Variants in EXOC3 observed in about 807,000 individuals in gnomAD.
EXOC3 encodes exocyst complex component 3.
EXOC3 carries 21 observed loss-of-function variants against 73.7 expected under a neutral mutation model. The observed-to-expected ratio is 0.29, with a 90% CI of 0.20 to 0.41. The LOEUF (loss-of-function observed/expected upper bound fraction) is 0.41. Among genes scored for constraint, EXOC3 ranks in the 10% least tolerant of loss-of-function variants. EXOC3 has a pLI of 1.00. For synonymous variants in EXOC3, 410 were observed against 389.1 expected, an observed-to-expected ratio of 1.05 and a Z score of -0.63; for missense variants, 842 against 985.1, an observed-to-expected ratio of 0.85 and a Z score of 1.95.
chr5:462,844 G>A (rs973340877), intron 9 of EXOC3, among the ~76,000 whole-genome samples: 4 of 152,194 alleles, frequency 2.6e-5, no homozygotes, highest in Admixed American at 6.5e-5. Context: ...GGTGGCTTAC[G>A]CCTTTAATCC....
intron 7 of EXOC3, among the ~76,000 whole-genome samples, chr5:460,384 T>C (rs933775025): frequency 1.3e-5 from 2 of 152,140 alleles, no homozygotes; most frequent in East Asian, 3.8e-4. Context: ...ATCCCACTTA[T>C]TGGTGAGTGT....
chr5:465,263 G>A lies in EXOC3; in HGVS notation c.1929G>A (p.Lys643=), dbSNP rs1279290281. 6.3e-7 allele frequency: 1 copy of A among 1,582,270 alleles called. No individual in the cohort carries two copies. Among genetic ancestry groups the A allele is most frequent in the Admixed American group, 1.8e-5 (1 of 55,198 alleles). Residue 643 remains lysine (K), a synonymous_variant, in exon 11 of 13, where the codon AAG becomes AAA. Coordinates refer to ENST00000512944, the MANE Select transcript of EXOC3 (RefSeq NM_007277.5). The part of the protein sequence containing the change: ...EAEQLRFLFR[K]LASGFGEDVD... Reference sequence around the variant, plus strand: ...AGCAGCTGCGCTTCCTGTTCCGGAAGCTGGCGTCCGTGAGTGTCGCGCAGG... The same window carrying A: ...AGCAGCTGCGCTTCCTGTTCCGGAAACTGGCGTCCGTGAGTGTCGCGCAGG...
At chr5:461,780 TAATC>T (rs1737993034) in intron 7 of EXOC3, 176 bp from the exon 8 acceptor site, 2 of 595,494 alleles carry the variant, frequency 3.4e-6, no homozygotes, top group Non-Finnish European at 6.0e-6. Flanking sequence ...CCATTTAAAG[TAATC>T]AACCTCTCTG....
At chr5:458,154 C>A in intron 6 of EXOC3, 129 bp downstream of exon 6, 1 of 932,092 alleles carries the variant, frequency 1.1e-6, no homozygotes, top group Non-Finnish European at 1.6e-6. Context: ...GAGAGCCCTG[C>A]CTGGTGCATC....
intron 9 of EXOC3, chr5:462,582 A>C (rs908453175): frequency 8.9e-6 from 4 of 449,104 alleles, no homozygotes; most frequent in Non-Finnish European, 1.6e-5. Context: ...AGAAACCGAT[A>C]TGTAGGGACC....
intron 9 of EXOC3, among the ~76,000 whole-genome samples, chr5:462,913 C>T (rs1381207634): frequency 6.6e-6 from 1 of 152,174 alleles, no homozygotes; most frequent in African/African-American, 2.4e-5. Flanking sequence ...CGAGACCAGC[C>T]TGACCAACAT....
At chr5:457,299 C>A (rs1325431101) in intron 5 of EXOC3, 21 of 413,116 alleles carry the variant, frequency 5.1e-5, no homozygotes, top group Non-Finnish European at 8.5e-5. Flanking sequence ...TGTGGCAGCA[C>A]CTGCCAGGCT....
In EXOC3 at chr5:446,141, C is replaced by G. The variant is rs1408697370; in HGVS notation, c.-56-9C>G. 7 of 1,595,938 alleles carry G rather than the reference C, an allele frequency of 4.4e-6. No homozygotes were observed. The highest frequency in any genetic ancestry group is 6.0e-6 in the Non-Finnish European group (7 of 1,164,106). On this transcript the variant is annotated splice_polypyrimidine_tract_variant and intron_variant, in intron 1 of 12. Coordinates refer to ENST00000512944, the MANE Select transcript of EXOC3 (RefSeq NM_007277.5). ...CCTAACATTTCTACCGTCCTAACAACTCCTGCAGTGCACAGAGAACACCCC... is the reference window on the plus strand; with the variant it reads ...CCTAACATTTCTACCGTCCTAACAAGTCCTGCAGTGCACAGAGAACACCCC...
chr5:449,029 G>T lies in EXOC3; in HGVS notation c.364+1277G>T, dbSNP rs1308597944. ...TTTCTAGTTAATTTCCTCTTATTTCGTATTGGCTGGCTACATTTCCTTCCG... is the reference window on the plus strand; with the variant it reads ...TTTCTAGTTAATTTCCTCTTATTTCTTATTGGCTGGCTACATTTCCTTCCG... On this transcript the variant is annotated intron_variant, in intron 3 of 12. Transcript: ENST00000512944. Among the ~76,000 whole-genome samples the T allele has an allele frequency of 2.6e-5, 4 of 152,288 alleles. No homozygotes were observed. The South Asian group carries it at 8.3e-4, about 32-fold the overall frequency.
chr5:465,648 C>T, intron 11 of EXOC3, 70 bp from the exon 12 acceptor site: 1 of 1,593,460 alleles, frequency 6.3e-7, no homozygotes, highest in Non-Finnish European at 8.6e-7. Flanking sequence ...AGGGGCTCAG[C>T]CAGAATCCAG....
At chr5:456,843 CTG>C in intron 4 of EXOC3, 44 bp from the exon 5 acceptor site, 1 of 1,422,568 alleles carries the variant, frequency 7.0e-7, no homozygotes, top group Non-Finnish European at 9.9e-7. Context: ...GCATGCTCTT[CTG>C]TGTCTGTCGT....
intron 2 of EXOC3, chr5:447,213 C>T (rs996123164): frequency 2.2e-5 from 5 of 227,690 alleles, no homozygotes; most frequent in South Asian, 9.7e-5. Flanking sequence ...CTGAAGGTAC[C>T]GTAGCAGGCC....
At chr5:461,887 G>A in intron 7 of EXOC3, 73 bp from the exon 8 acceptor site, 1 of 1,020,364 alleles carries the variant, frequency 9.8e-7, no homozygotes, top group Non-Finnish European at 1.5e-6. Context: ...GGCCAGGCGT[G>A]ACGTCAGCGT....
intron 4 of EXOC3, 134 bp downstream of exon 4, chr5:454,185 C>G: frequency 1.4e-6 from 1 of 698,280 alleles, no homozygotes; most frequent in South Asian, 1.9e-5. Flanking sequence ...CCTTGGTTTC[C>G]AGCCCAGGGG....
intron 3 of EXOC3, among the ~76,000 whole-genome samples, chr5:449,767 A>T (rs1005969842): frequency 3.3e-5 from 5 of 152,160 alleles, no homozygotes; most frequent in African/African-American, 1.2e-4. Context: ...GGGTGTACAG[A>T]TGTTTTACTT....
At chr5:462,636 A>C in intron 9 of EXOC3, 1 of 281,150 alleles carries the variant, frequency 3.6e-6, no homozygotes, top group East Asian at 6.5e-5. Flanking sequence ...ACACATCCTC[A>C]CATAGATCAG....
chr5:465,822 G>C lies in EXOC3; in HGVS notation c.2043G>C (p.Leu681=). Residue 681 remains leucine (L), a synonymous_variant, in exon 12 of 13, where the codon CTG becomes CTC. Coordinates refer to ENST00000512944, the MANE Select transcript of EXOC3 (RefSeq NM_007277.5). The part of the protein sequence containing the change: ...PSLLYLEVST[L]VSKYPDIRDD... ...TGCTCTACCTGGAGGTCTCCACTCT[G>C]GTCAGCAAGTATCCAGACATCAGGT... is the stretch of plus-strand genomic sequence containing the variant. 1 of 1,612,062 alleles carries C rather than the reference G, an allele frequency of 6.2e-7. No individual in the cohort carries two copies. The highest frequency in any genetic ancestry group is 8.5e-7 in the Non-Finnish European group (1 of 1,179,140).
chr5:451,736 C>T (rs1251095235), intron 3 of EXOC3, among the ~76,000 whole-genome samples: 1 of 152,222 alleles, frequency 6.6e-6, no homozygotes, highest in Non-Finnish European at 1.5e-5. Flanking sequence ...TCTTGCAGGG[C>T]AGATCTTGTG....
intron 12 of EXOC3, 109 bp downstream of exon 12, chr5:465,954 C>A: frequency 1.5e-6 from 2 of 1,297,016 alleles, no homozygotes; most frequent in Non-Finnish European, 2.1e-6. Context: ...TTCAGCCCTG[C>A]AGCACGGCAA....
Sources: allele counts gnomAD v4.1 joint callset (sites outside exome capture counted in the v4.1 genomes callset), GRCh38; gene constraint gnomAD v4.1.1; transcripts MANE v1.5; gene names NCBI Gene and HGNC (gene_info 2026-07-23, HGNC 2026-07-21).